Variants in WDR59 observed in about 807,000 individuals in gnomAD.
WDR59 encodes WD repeat domain 59.
A neutral mutation model predicts 131.2 loss-of-function variants in WDR59; 100 were observed. That is an observed-to-expected ratio of 0.76 (90% CI 0.65 to 0.90). WDR59 has a LOEUF of 0.90. Among genes scored for constraint, WDR59 ranks in the 40% least tolerant of loss-of-function variants. The pLI, the probability that WDR59 is intolerant of heterozygous loss-of-function variation, is 0.00. For missense variants in WDR59, 1,203 were observed against 1,262.2 expected, an observed-to-expected ratio of 0.95 and a Z score of 0.71; for synonymous variants, 601 against 466.2, an observed-to-expected ratio of 1.29 and a Z score of -3.72.
At chr16:74,893,288 A>G (rs976936205) in intron 19 of WDR59, among the ~76,000 whole-genome samples, 2 of 152,198 alleles carry the variant, frequency 1.3e-5, no homozygotes, top group African/African-American at 4.8e-5. Context: ...TGTGTGAGCC[A>G]TTCCTGCTGG....
chr16:74,948,458 G>GA lies in WDR59; in HGVS notation c.445+60dup, dbSNP rs1216671768. 4.1e-6 allele frequency: 6 copies of GA among 1,469,820 alleles called. No homozygotes were observed. In the East Asian group the frequency reaches 1.4e-4, roughly 33 times the overall value. The allele number at this position is 1,469,820 out of a possible 1,614,324, so 91.0% of individuals were successfully genotyped here. A position where few individuals can be genotyped will look rare whatever the true frequency, so the allele number is the denominator to read the frequency against. ...AATAGGAAGGAACGGGAAAGAACTG[G>GA]AAGGAAGAAAATGAAGACAAACCAA... On this transcript the variant is annotated intron_variant, in intron 6 of 25. Transcript: ENST00000262144.
intron 14 of WDR59, among the ~76,000 whole-genome samples, chr16:74,910,296 C>T (rs535612621): frequency 1.3e-5 from 2 of 152,212 alleles, no homozygotes; most frequent in South Asian, 4.1e-4. Flanking sequence ...GCAAAGTGGT[C>T]AGACACAAGG....
intron 1 of WDR59, among the ~76,000 whole-genome samples, chr16:74,972,690 G>A (rs755687526): frequency 2.0e-5 from 3 of 150,954 alleles, no homozygotes; most frequent in Non-Finnish European, 3.0e-5. Context: ...GCGTGGTGGC[G>A]CACACCTGTA....
chr16:74,979,321 C>T (rs1427601451), intron 1 of WDR59, among the ~76,000 whole-genome samples: 3 of 151,584 alleles, frequency 2.0e-5, no homozygotes, highest in Non-Finnish European at 4.4e-5. Context: ...AAAAAATTAG[C>T]CAGGCATGGT....
chr16:74,953,118 A>G (rs1309448070), intron 3 of WDR59, among the ~76,000 whole-genome samples: 1 of 152,250 alleles, frequency 6.6e-6, no homozygotes, highest in African/African-American at 2.4e-5. Context: ...CTCAAGATAA[A>G]AGACAGAATG....
Position 74,874,434 on chromosome 16 carries a change from C to T in WDR59, c.2700G>A (p.Val900=). 6.2e-7 allele frequency: 1 copy of T among 1,613,888 alleles called. No individual in the cohort carries two copies. ...PDPHKGIEFG[V]YCSHCRSEVR... is the part of the protein sequence containing the mutation. ...CCTCACTCCGGCAGTGGCTGCAGTA[C>T]ACGCCGAACTCTGGAAATGGGCAGG... The change falls in exon 26 of 26, where the codon GTG becomes GTA. Residue 900 remains valine (V), a synonymous_variant. Transcript: ENST00000262144.
At chr16:74,945,638 C>T (rs1012595951) in intron 6 of WDR59, among the ~76,000 whole-genome samples, 25 of 152,028 alleles carry the variant, frequency 1.6e-4, no homozygotes, top group South Asian at 1.3e-3. Context: ...TGGCGGGGGG[C>T]AGAGCAGTGG....
intron 2 of WDR59, chr16:74,959,203 G>T: frequency 4.1e-6 from 1 of 242,038 alleles, no homozygotes; most frequent in South Asian, 4.2e-5. Flanking sequence ...CTCTCTCTAT[G>T]CAGCACTCAC....
At chr16:74,877,526 T>C (rs1293498397) in intron 25 of WDR59, among the ~76,000 whole-genome samples, 1 of 152,172 alleles carries the variant, frequency 6.6e-6, no homozygotes, top group African/African-American at 2.4e-5. Flanking sequence ...CTGCTCTGTT[T>C]ATTTATTGAT....
At chr16:74,920,331 G>T (rs2030077173) in intron 10 of WDR59, among the ~76,000 whole-genome samples, 1 of 152,094 alleles carries the variant, frequency 6.6e-6, no homozygotes, top group Admixed American at 6.5e-5. Flanking sequence ...TAGGCCGATG[G>T]AAGTGTTCTG....
At chr16:74,894,802 G>C (rs1020240657) in intron 18 of WDR59, among the ~76,000 whole-genome samples, 2 of 152,128 alleles carry the variant, frequency 1.3e-5, no homozygotes, top group Non-Finnish European at 2.9e-5. Flanking sequence ...ATGTGACTTT[G>C]TTTGCTCACT....
At chr16:74,949,140 A>G (rs924444962) in intron 5 of WDR59, among the ~76,000 whole-genome samples, 1 of 151,926 alleles carries the variant, frequency 6.6e-6, no homozygotes, top group Non-Finnish European at 1.5e-5. Context: ...ACAACACAGC[A>G]AGACTCTGTC....
chr16:74,903,875 G>C, intron 18 of WDR59, 72 bp downstream of exon 18: 1 of 1,516,576 alleles, frequency 6.6e-7, no homozygotes, highest in South Asian at 1.2e-5. Context: ...TAGCTGCTGC[G>C]CCAGGCAGGA....
intron 17 of WDR59, among the ~76,000 whole-genome samples, chr16:74,907,474 G>A (rs1249813543): frequency 7.2e-5 from 11 of 152,086 alleles, no homozygotes; most frequent in Non-Finnish European, 1.3e-4. Flanking sequence ...TTCGCCTGCC[G>A]CCATGTAAGA....
Position 74,946,551 on chromosome 16 carries a change from G to C in WDR59, c.445+1968C>G, listed in dbSNP as rs7191975. Among the ~76,000 whole-genome samples, 839 of 152,056 alleles carry C rather than the reference G, an allele frequency of 5.5e-3. 4 individuals carry two copies. The highest frequency in any genetic ancestry group is 0.019 in the African/African-American group (799 of 41,488). On this transcript the variant is annotated intron_variant, in intron 6 of 25. Coordinates refer to ENST00000262144, the MANE Select transcript of WDR59 (RefSeq NM_030581.4). ...AGCCTGGCCAACAAGGTAAAACCCT[G>C]TCTCTACTAAAAATACAAAAATTAG...
At chr16:74,983,995 G>T (rs1456087595) in intron 1 of WDR59, among the ~76,000 whole-genome samples, 1 of 151,832 alleles carries the variant, frequency 6.6e-6, no homozygotes, top group Non-Finnish European at 1.5e-5. Context: ...AAGTAAAATA[G>T]GCCAGGCACG....
At chr16:74,878,514 G>A (rs979841698) in intron 25 of WDR59, among the ~76,000 whole-genome samples, 8 of 152,012 alleles carry the variant, frequency 5.3e-5, no homozygotes, top group Non-Finnish European at 8.8e-5. Context: ...TTAGCTGGGC[G>A]TGACGGCGCA....
intron 6 of WDR59, among the ~76,000 whole-genome samples, chr16:74,946,432 T>C (rs2032642289): frequency 6.6e-6 from 1 of 151,898 alleles, no homozygotes; most frequent in Non-Finnish European, 1.5e-5. Flanking sequence ...AAGAAAGAAA[T>C]GGTTTCTGCC....
At chr16:74,951,605 C>T (rs2033005057) in intron 3 of WDR59, 62 bp from the exon 4 acceptor site, 2 of 1,424,284 alleles carry the variant, frequency 1.4e-6, no homozygotes, top group Non-Finnish European at 1.9e-6. Context: ...TTGCCCCAAT[C>T]AGCTTAAGGC....
Sources: allele counts gnomAD v4.1 joint callset (sites outside exome capture counted in the v4.1 genomes callset), GRCh38; gene constraint gnomAD v4.1.1; transcripts MANE v1.5; gene names NCBI Gene and HGNC (gene_info 2026-07-23, HGNC 2026-07-21).